The following WASL variants were observed in gnomAD, a reference collection of about 807,000 sequenced individuals.
WASL encodes the protein actin nucleation-promoting factor WASL.
In WASL, 20 loss-of-function variants were observed where a neutral mutation model predicts 55.5. That is an observed-to-expected ratio of 0.36 (90% confidence interval 0.25 to 0.52). WASL has a LOEUF of 0.52. Among genes scored for constraint, WASL ranks in the 20% least tolerant of loss-of-function variants. The pLI is 0.92. For missense variants in WASL, 504 were observed against 622.5 expected, an observed-to-expected ratio of 0.81 and a Z score of 2.03; for synonymous variants, 249 against 217.6, an observed-to-expected ratio of 1.14 and a Z score of -1.27.
At chr7:123,688,235 T>C (rs1382103556) in intron 10 of WASL, among the ~76,000 whole-genome samples, 1 of 152,090 alleles carries the variant, frequency 6.6e-6, no homozygotes, top group Non-Finnish European at 1.5e-5. Flanking sequence ...TTTTAGAAAA[T>C]GAAAAAGAAA....
At chr7:123,734,591 TAAA>T (rs71161498) in intron 1 of WASL, among the ~76,000 whole-genome samples, 1 of 92,360 alleles carries the variant, frequency 1.1e-5, no homozygotes, top group Non-Finnish European at 2.1e-5. Flanking sequence ...ATAGAAAATG[TAAA>T]AAAAAAAAAA....
At chr7:123,716,763 G>A (rs771410365) in intron 1 of WASL, among the ~76,000 whole-genome samples, 3 of 152,116 alleles carry the variant, frequency 2.0e-5, no homozygotes, top group Admixed American at 1.3e-4. Flanking sequence ...ATGAGAGGGT[G>A]AAAAGTAGTT....
At chr7:123,714,313 T>C (rs569954079) in intron 1 of WASL, among the ~76,000 whole-genome samples, 1 of 152,194 alleles carries the variant, frequency 6.6e-6, no homozygotes, top group Non-Finnish European at 1.5e-5. Flanking sequence ...AGGGATCTTA[T>C]CACCTGGTAA....
chr7:123,735,975 T>A (rs977771118), intron 1 of WASL, among the ~76,000 whole-genome samples: 2 of 152,044 alleles, frequency 1.3e-5, no homozygotes, highest in African/African-American at 4.8e-5. Flanking sequence ...AGGCACATCA[T>A]AATCAGATCC....
At chr7:123,748,284 A>C (rs1804474185) in intron 1 of WASL, among the ~76,000 whole-genome samples, 1 of 152,136 alleles carries the variant, frequency 6.6e-6, no homozygotes, top group South Asian at 2.1e-4. Context: ...TCTAGGACCA[A>C]GCGGCTCTTG....
chr7:123,692,197 G>A (rs978551915), intron 9 of WASL, 150 bp downstream of exon 9: 20 of 1,100,186 alleles, frequency 1.8e-5, no homozygotes, highest in African/African-American at 1.6e-5. Context: ...GCATGTCACT[G>A]CATGTAAAAG....
intron 1 of WASL, among the ~76,000 whole-genome samples, chr7:123,712,523 T>G (rs146820725): frequency 5.6e-4 from 85 of 152,218 alleles, no homozygotes; most frequent in Middle Eastern, 3.4e-3. Context: ...TACATATATA[T>G]AGAGAAAAAA....
intron 9 of WASL, among the ~76,000 whole-genome samples, chr7:123,692,131 T>C (rs954623370): frequency 6.6e-6 from 1 of 152,104 alleles, no homozygotes; most frequent in African/African-American, 2.4e-5. Context: ...CATTTGGATA[T>C]AGAGATATGG....
intron 1 of WASL, chr7:123,720,470 A>G (rs2116803565): frequency 5.6e-6 from 2 of 357,882 alleles, no homozygotes; most frequent in South Asian, 4.6e-5. Context: ...CAATACCACA[A>G]ACAAGAATAA....
chr7:123,721,676 A>G (rs1803945958), intron 1 of WASL, among the ~76,000 whole-genome samples: 1 of 152,218 alleles, frequency 6.6e-6, no homozygotes, highest in South Asian at 2.1e-4. Flanking sequence ...CTGTAATTTC[A>G]GCACTTTGGG....
At chr7:123,696,999 T>C (rs1803503961) in intron 5 of WASL, among the ~76,000 whole-genome samples, 1 of 152,124 alleles carries the variant, frequency 6.6e-6, no homozygotes, top group Non-Finnish European at 1.5e-5. Flanking sequence ...ATAAAGAATA[T>C]GAACTTCCAG....
chr7:123,686,404 C>G (rs1236517168), intron 10 of WASL, among the ~76,000 whole-genome samples: 1 of 151,970 alleles, frequency 6.6e-6, no homozygotes, highest in Non-Finnish European at 1.5e-5. Flanking sequence ...GCTGGCATTA[C>G]AGACTGACAA....
At chr7:123,696,777 GAT>G (rs761587221) in intron 5 of WASL, 30 bp from the exon 6 acceptor site, 8 of 1,391,744 alleles carry the variant, frequency 5.7e-6, no homozygotes, top group Non-Finnish European at 6.6e-6. Flanking sequence ...ATATAAAAGG[GAT>G]ATAATTTAAG....
rs183918012 is a variant in WASL, at chr7:123,744,136, A to T, written c.117+4482T>A. Among the ~76,000 whole-genome samples, 31 of 152,318 alleles carry T rather than the reference A, an allele frequency of 2.0e-4. No individual in the cohort carries two copies. The South Asian group carries it at 6.4e-3, about 32-fold the overall frequency. ...TAAGCATATCCTTCCCTGTATGCCT[A>T]TGTAAGAATCCCTACCCAACAGGTC... On this transcript the variant is annotated intron_variant, in intron 1 of 10. Coordinates refer to ENST00000223023, the MANE Select transcript of WASL (RefSeq NM_003941.4).
chr7:123,744,671 G>C (rs1804401038), intron 1 of WASL, among the ~76,000 whole-genome samples: 1 of 152,082 alleles, frequency 6.6e-6, no homozygotes, highest in African/African-American at 2.4e-5. Context: ...TGGCTGTAGA[G>C]ACGTAGTTTA....
chr7:123,686,542 T>C (rs942188530), intron 10 of WASL, among the ~76,000 whole-genome samples: 2 of 152,086 alleles, frequency 1.3e-5, no homozygotes, highest in African/African-American at 4.8e-5. Context: ...AACCATCCTA[T>C]ATTTTCATTA....
intron 9 of WASL, among the ~76,000 whole-genome samples, chr7:123,690,265 AACAAAGT>A (rs1182021049): frequency 6.6e-6 from 1 of 152,216 alleles, no homozygotes; most frequent in African/African-American, 2.4e-5. Flanking sequence ...TGCTTACTTG[AACAAAGT>A]ACTATTTGAG....
chr7:123,741,960 C>T lies in WASL; in HGVS notation c.117+6658G>A, dbSNP rs76565019. 4.6e-5 allele frequency among the ~76,000 whole-genome samples: 7 copies of T among 152,204 alleles called. No homozygotes were observed. In the East Asian group the frequency reaches 1.4e-3, roughly 29 times the overall value. On this transcript the variant is annotated intron_variant, in intron 1 of 10. Coordinates refer to ENST00000223023, the MANE Select transcript of WASL (RefSeq NM_003941.4). Reference sequence around the variant, plus strand: ...AGACTTTATTTCCAGACTTTATAATCTGATATTACTCATAGATACAATTTT... The same window carrying T: ...AGACTTTATTTCCAGACTTTATAATTTGATATTACTCATAGATACAATTTT...
chr7:123,737,940 AATT>A (rs1419142546), intron 1 of WASL, among the ~76,000 whole-genome samples: 1 of 152,198 alleles, frequency 6.6e-6, no homozygotes, highest in Non-Finnish European at 1.5e-5. Context: ...TACAGTATAG[AATT>A]ATTATCTTTA....
Sources: gnomAD v4.1 joint callset for allele counts (sites outside exome capture counted in the v4.1 genomes callset) on GRCh38, gnomAD v4.1.1 for gene constraint, MANE v1.5 for transcripts, NCBI Gene and HGNC (gene_info 2026-07-23, HGNC 2026-07-21) for gene names.